CNTN5: variants seen among roughly 807,000 people sequenced by gnomAD.
CNTN5 encodes the protein contactin 5.
Under a neutral mutation model 129.1 loss-of-function variants are expected in CNTN5, and 77 were observed. That is an observed-to-expected ratio of 0.60 (90% CI 0.50 to 0.72). The LOEUF (loss-of-function observed/expected upper bound fraction) is 0.72. Ranked by LOEUF, CNTN5 falls within the 30% of genes least tolerant of loss-of-function variation. The pLI, the probability that CNTN5 is intolerant of heterozygous loss-of-function variation, is 0.00. For missense variants in CNTN5, 1,478 were observed against 1,328.8 expected (o/e 1.11, Z -1.75); for synonymous variants, 509 against 465.6 (o/e 1.09, Z -1.20).
At chr11:100,303,848 A>G (rs903696930) in intron 20 of CNTN5, among the ~76,000 whole-genome samples, 2 of 151,692 alleles carry the variant, frequency 1.3e-5, no homozygotes, top group Admixed American at 6.6e-5. Flanking sequence ...AAATACAAGA[A>G]ATAATTTCCT....
chr11:100,155,530 A>T (rs184415005), intron 13 of CNTN5, among the ~76,000 whole-genome samples: 57 of 152,160 alleles, frequency 3.7e-4, no homozygotes, highest in Admixed American at 1.6e-3. Flanking sequence ...TATGAAATTT[A>T]AAGTAGTTTT....
intron 2 of CNTN5, among the ~76,000 whole-genome samples, chr11:99,384,526 T>A (rs891846728): frequency 5.9e-5 from 9 of 152,096 alleles, no homozygotes; most frequent in African/African-American, 1.9e-4. Flanking sequence ...TTCCAGGAAA[T>A]TTTGAGCAAT....
chr11:99,769,034 A>G (rs1233144655), intron 3 of CNTN5, among the ~76,000 whole-genome samples: 3 of 151,426 alleles, frequency 2.0e-5, no homozygotes, highest in Non-Finnish European at 4.4e-5. Context: ...TCTCTTTTCT[A>G]TCTTTTCATT....
chr11:99,907,859 A>G (rs1949550496), intron 6 of CNTN5, among the ~76,000 whole-genome samples: 1 of 152,056 alleles, frequency 6.6e-6, no homozygotes, highest in Non-Finnish European at 1.5e-5. Flanking sequence ...TTAGAGTATC[A>G]AATCAATTAT....
intron 2 of CNTN5, among the ~76,000 whole-genome samples, chr11:99,427,586 A>G (rs566109961): frequency 1.4e-4 from 21 of 151,750 alleles, no homozygotes; most frequent in Non-Finnish European, 2.4e-4. Flanking sequence ...CTAACACGGT[A>G]AAACCCTGTC....
chr11:99,211,382 A>G (rs1297132706), intron 1 of CNTN5, among the ~76,000 whole-genome samples: 1 of 152,084 alleles, frequency 6.6e-6, no homozygotes, highest in African/African-American at 2.4e-5. Context: ...TCTAGTCTAG[A>G]CAATTTTTTA....
At chr11:100,287,888 G>A (rs1002837139) in intron 18 of CNTN5, among the ~76,000 whole-genome samples, 25 of 152,014 alleles carry the variant, frequency 1.6e-4, no homozygotes, top group African/African-American at 5.8e-4. Flanking sequence ...ACACACACAG[G>A]CTCAAAATAA....
intron 1 of CNTN5, among the ~76,000 whole-genome samples, chr11:99,318,439 T>G (rs1206597679): frequency 3.9e-5 from 6 of 152,162 alleles, no homozygotes; most frequent in Non-Finnish European, 8.8e-5. Flanking sequence ...TCAGCACTAA[T>G]GCTATGATTC....
intron 2 of CNTN5, among the ~76,000 whole-genome samples, chr11:99,554,003 C>T (rs957939525): frequency 2.0e-5 from 3 of 149,474 alleles, no homozygotes; most frequent in Non-Finnish European, 4.4e-5. Context: ...CACATACACA[C>T]ACACACACTT....
chr11:99,667,858 C>T (rs1401761571), intron 3 of CNTN5, among the ~76,000 whole-genome samples: 1 of 151,902 alleles, frequency 6.6e-6, no homozygotes, highest in East Asian at 1.9e-4. Flanking sequence ...ACCACCATGG[C>T]ACAGGTATAT....
intron 1 of CNTN5, among the ~76,000 whole-genome samples, chr11:99,032,587 G>A (rs1340584976): frequency 1.3e-5 from 2 of 152,118 alleles, no homozygotes; most frequent in Non-Finnish European, 2.9e-5. Context: ...GCCTGTTCAT[G>A]TCCTTCACCC....
chr11:99,786,016 A>C (rs75915687), intron 3 of CNTN5, among the ~76,000 whole-genome samples: 2,445 of 151,962 alleles, frequency 0.016, 57 homozygotes, highest in South Asian at 0.086. Context: ...GCAATCAGGC[A>C]AGAGAAAGAA....
intron 3 of CNTN5, among the ~76,000 whole-genome samples, chr11:99,731,209 G>A (rs930537749): frequency 6.6e-5 from 10 of 151,630 alleles, no homozygotes; most frequent in African/African-American, 1.9e-4. Context: ...CCGGGTTCAC[G>A]CCATTCTCCT....
intron 6 of CNTN5, among the ~76,000 whole-genome samples, chr11:99,854,292 C>G (rs558069085): frequency 6.6e-6 from 1 of 152,168 alleles, no homozygotes; most frequent in Non-Finnish European, 1.5e-5. Flanking sequence ...CTAGGTTACC[C>G]CTACATAAAT....
At chr11:99,885,197 G>A (rs936159735) in intron 6 of CNTN5, among the ~76,000 whole-genome samples, 15 of 152,090 alleles carry the variant, frequency 9.9e-5, no homozygotes, top group Admixed American at 2.0e-4. Context: ...TGGGAGAGCC[G>A]TTTGAGCCAG....
intron 2 of CNTN5, among the ~76,000 whole-genome samples, chr11:99,445,065 T>G (rs1944005240): frequency 1.3e-5 from 2 of 148,356 alleles, no homozygotes; most frequent in Non-Finnish European, 3.0e-5. Flanking sequence ...TTTATATATT[T>G]ATATATACAC....
chr11:99,188,953 C>G (rs1858493624), intron 1 of CNTN5, among the ~76,000 whole-genome samples: 1 of 151,544 alleles, frequency 6.6e-6, no homozygotes, highest in Admixed American at 6.6e-5. Flanking sequence ...TGAAATTATT[C>G]CCCCTTTTTA....
intron 8 of CNTN5, among the ~76,000 whole-genome samples, chr11:99,970,109 T>G (rs1429878456): frequency 6.6e-6 from 1 of 152,170 alleles, no homozygotes; most frequent in Non-Finnish European, 1.5e-5. Flanking sequence ...GCACTGTGGA[T>G]TCTACATCTG....
At chr11:99,198,582 A>G (rs545641558) in intron 1 of CNTN5, among the ~76,000 whole-genome samples, 1 of 152,288 alleles carries the variant, frequency 6.6e-6, no homozygotes, top group Admixed American at 6.5e-5. Context: ...ACAACAAAAA[A>G]AGAAAAGCTA....
Sources: allele counts gnomAD v4.1 joint callset (sites outside exome capture counted in the v4.1 genomes callset), GRCh38; gene constraint gnomAD v4.1.1; transcripts MANE v1.5; gene names NCBI Gene and HGNC (gene_info 2026-07-23, HGNC 2026-07-21).